Variants in LDB3 observed in about 807,000 individuals in gnomAD.
LDB3 encodes the protein LIM domain-binding protein 3.
A neutral mutation model predicts 69.0 loss-of-function variants in LDB3; 49 were observed. The observed-to-expected ratio is 0.71, with a 90% CI of 0.56 to 0.90. The LOEUF (loss-of-function observed/expected upper bound fraction) is 0.90. Among genes scored for constraint, LDB3 ranks in the 40% least tolerant of loss-of-function variants. The pLI, the probability that LDB3 is intolerant of heterozygous loss-of-function variation, is 0.00. For missense variants in LDB3, 928 were observed against 974.1 expected (o/e 0.95, Z 0.63); for synonymous variants, 387 against 396.2 (o/e 0.98, Z 0.28).
At chr10:86,716,912 C>T (rs1439655307) in intron 10 of LDB3, 141 bp downstream of exon 10, 3 of 899,280 alleles carry the variant, frequency 3.3e-6, no homozygotes, top group South Asian at 1.5e-5. Context: ...TCTGGCTTGC[C>T]ATCTGGTCTT....
chr10:86,730,108 T>C (rs1035559710), intron 13 of LDB3, among the ~76,000 whole-genome samples: 1 of 152,288 alleles, frequency 6.6e-6, no homozygotes. Flanking sequence ...CAGAACCCAA[T>C]TGGAAGCCCT....
In LDB3 at chr10:86,699,397, C is replaced by T. The variant is rs755424115; in HGVS notation, c.896+6826C>T. 12 of 1,613,188 alleles carry T rather than the reference C, an allele frequency of 7.4e-6. No individual in the cohort carries two copies. In the South Asian group the frequency reaches 1.1e-4, roughly 15 times the overall value. On this transcript the variant is annotated intron_variant, in intron 7 of 13. Transcript: ENST00000361373. The surrounding 1 kb of genome is among the most constrained non-coding windows in gnomAD (Gnocchi z 4.9). ...TAAAAGGCTGCCTGGAATCCCCCCACCCCAACAGGCTGGACTCCCTCCATC... is the reference window on the plus strand; with the variant it reads ...TAAAAGGCTGCCTGGAATCCCCCCATCCCAACAGGCTGGACTCCCTCCATC...
Position 86,699,885 on chromosome 10 carries a change from G to A in LDB3, c.897-6646G>A, listed in dbSNP as rs1336193438. ...GCAGCCCGGAATAGGGCTCTTTGAA[G>A]AGGAAGTAGAAGCCCCAGGGTAATG... On this transcript the variant is annotated intron_variant, in intron 7 of 13. Transcript: ENST00000361373. The surrounding 1 kb of genome is among the most constrained non-coding windows in gnomAD (Gnocchi z 4.9). 4.9e-6 allele frequency: 5 copies of A among 1,011,130 alleles called. No homozygotes were observed. The highest frequency in any genetic ancestry group is 1.0e-4 in the Admixed American group (2 of 19,482). 62.6% of individuals were successfully genotyped at this position (1,011,130 alleles called of 1,614,324 possible).
chr10:86,686,131 G>A (rs925056485), intron 5 of LDB3, among the ~76,000 whole-genome samples: 3 of 152,154 alleles, frequency 2.0e-5, no homozygotes, highest in Non-Finnish European at 4.4e-5. Flanking sequence ...AGCCTCCTGT[G>A]GGTAGAGGAT....
At chr10:86,679,152 C>T (rs1405964955) in intron 2 of LDB3, among the ~76,000 whole-genome samples, 2 of 152,164 alleles carry the variant, frequency 1.3e-5, no homozygotes, top group African/African-American at 2.4e-5. Context: ...AGAGCTAGTC[C>T]CAAGGCTGCA....
chr10:86,699,332 G>A lies in LDB3; in HGVS notation c.896+6761G>A, dbSNP rs1428065968. The A allele has an allele frequency of 1.2e-6, 2 of 1,613,606 alleles. No individual in the cohort carries two copies. The highest frequency in any genetic ancestry group is 1.7e-6 in the Non-Finnish European group (2 of 1,179,938). On this transcript the variant is annotated intron_variant, in intron 7 of 13. Coordinates refer to ENST00000361373, the MANE Select transcript of LDB3 (RefSeq NM_007078.3). This position sits in a 1 kb window ranked among gnomAD's most constrained non-coding sequence, Gnocchi z 4.9. ...CACGTTTTGCCAAATTGCGCAACTG[G>A]CACCATGGCCTTTCAGCCCAAATCC...
Position 86,699,433 on chromosome 10 carries a change from C to A in LDB3, c.896+6862C>A. ...TGGACTCCCTCCATCCTTACCCCCACACAGATCTGGCATGTGAGCCCCACG... is the reference window on the plus strand; with the variant it reads ...TGGACTCCCTCCATCCTTACCCCCAAACAGATCTGGCATGTGAGCCCCACG... On this transcript the variant is annotated intron_variant, in intron 7 of 13. Transcript: ENST00000361373. This position sits in a 1 kb window ranked among gnomAD's most constrained non-coding sequence, Gnocchi z 4.9. 1.2e-6 allele frequency: 2 copies of A among 1,611,890 alleles called. No individual in the cohort carries two copies. The highest frequency in any genetic ancestry group is 1.3e-5 in the African/African-American group (1 of 74,998).
Position 86,668,661 on chromosome 10 carries a change from G to C in LDB3, c.-23-8G>C. On this transcript the variant is annotated splice_polypyrimidine_tract_variant and splice_region_variant and intron_variant, in intron 1 of 13. Transcript: ENST00000361373. ...TCTCACTCAACCCTCTCTACCCTTT[G>C]TCTGCAGAGGCGGCCGCTGACAGCA... The C allele has an allele frequency of 1.3e-6, 2 of 1,573,672 alleles. No individual in the cohort carries two copies. Among genetic ancestry groups the C allele is most frequent in the Non-Finnish European group, 1.7e-6 (2 of 1,144,060 alleles).
At position 86,687,295 on chromosome 10, in the gene LDB3, G is replaced by GCCT. The variant is rs199588819; in HGVS notation, c.690-4599_690-4598insTCC. On this transcript the variant is annotated intron_variant, in intron 5 of 13. Transcript: ENST00000361373. Reference sequence around the variant, plus strand: ...TGGGTAAGCGCCTCCCTCCTCCACCGCCACTCAGTGCCTCCAGAGCCCGAG... The same window carrying GCCT: ...TGGGTAAGCGCCTCCCTCCTCCACCGCCTCCACTCAGTGCCTCCAGAGCCCGAG... The GCCT allele has an allele frequency of 7.8e-4, 1,259 of 1,607,100 alleles. 22 individuals are homozygous for GCCT. In the East Asian group the frequency reaches 0.024, roughly 31 times the overall value.
At chr10:86,669,837 G>A (rs1211287824) in intron 2 of LDB3, among the ~76,000 whole-genome samples, 2 of 152,212 alleles carry the variant, frequency 1.3e-5, no homozygotes, top group Admixed American at 1.3e-4. Context: ...GGGGTATCTG[G>A]GCTACTGCCC....
rs547176412 is a variant in LDB3 at position 86,720,500 on chromosome 10, C to T, written c.1978+1653C>T. The stretch of plus-strand genomic sequence containing the variant: ...TTGGGTTCTTGTACTAGTGAATGCC[C>T]TTCCCAGCTCTGAAGTTAACTGAAT... On this transcript the variant is annotated intron_variant, in intron 12 of 13. Coordinates refer to ENST00000361373, the MANE Select transcript of LDB3 (RefSeq NM_007078.3). Among the ~76,000 whole-genome samples, 5 of 151,900 alleles carry T rather than the reference C, an allele frequency of 3.3e-5. No homozygotes were observed. In the South Asian group the frequency reaches 8.4e-4, roughly 25 times the overall value.
intron 12 of LDB3, among the ~76,000 whole-genome samples, chr10:86,720,306 T>C (rs578075027): frequency 1.6e-4 from 25 of 152,212 alleles, no homozygotes; most frequent in African/African-American, 5.8e-4. Flanking sequence ...TAGCCGAGCA[T>C]GATGGCGGGC....
intron 2 of LDB3, among the ~76,000 whole-genome samples, chr10:86,673,686 C>T (rs1461288023): frequency 6.6e-6 from 1 of 152,074 alleles, no homozygotes; most frequent in Non-Finnish European, 1.5e-5. Context: ...CTTTGTCCCA[C>T]CTGCCCCAAC....
intron 9 of LDB3, among the ~76,000 whole-genome samples, chr10:86,713,931 C>A (rs1250110237): frequency 6.6e-6 from 1 of 152,126 alleles, no homozygotes; most frequent in East Asian, 1.9e-4. Flanking sequence ...CTCCTCTCCC[C>A]CAACCCTAGG....
chr10:86,710,202 G>C (rs901534627), intron 9 of LDB3, 152 bp downstream of exon 9: 6 of 1,519,884 alleles, frequency 3.9e-6, no homozygotes, highest in Non-Finnish European at 5.3e-6. Context: ...CCTAGCTGTG[G>C]GTCAGAATCC....
At chr10:86,727,708 G>C (rs1464205502) in intron 13 of LDB3, among the ~76,000 whole-genome samples, 2 of 152,156 alleles carry the variant, frequency 1.3e-5, no homozygotes, top group African/African-American at 4.8e-5. Context: ...GCAATCCTTG[G>C]CATTTCTTGG....
chr10:86,668,409 C>A, upstream of LDB3: 2 of 520,284 alleles, frequency 3.8e-6, no homozygotes, highest in Non-Finnish European at 7.1e-6. Flanking sequence ...CATGGTGGAC[C>A]GGCTGGGAGG....
intron 2 of LDB3, among the ~76,000 whole-genome samples, chr10:86,676,061 C>T (rs2803566): frequency 0.48 from 72,612 of 152,144 alleles, 18,885 homozygotes; most frequent in African/African-American, 0.68. Context: ...GGCAATGAGT[C>T]TGGGGGTAAG....
At chr10:86,722,915 G>A (rs1340815369) in intron 12 of LDB3, among the ~76,000 whole-genome samples, 1 of 151,964 alleles carries the variant, frequency 6.6e-6, no homozygotes, top group Non-Finnish European at 1.5e-5. Context: ...AGTAAGAGAA[G>A]GAATCACTAT....
Sources: gnomAD v4.1 joint callset for allele counts (sites outside exome capture counted in the v4.1 genomes callset) on GRCh38, gnomAD v4.1.1 for gene constraint, Gnocchi (gnomAD v3.1) non-coding constraint, MANE v1.5 for transcripts, NCBI Gene and HGNC (gene_info 2026-07-23, HGNC 2026-07-21) for gene names.